Variants in SLC25A12 observed in about 807,000 individuals in gnomAD.
SLC25A12 encodes electrogenic aspartate/glutamate antiporter SLC25A12, mitochondrial.
In SLC25A12, 32 loss-of-function variants were observed where a neutral mutation model predicts 83.3. That is an observed-to-expected ratio of 0.38 (90% CI 0.29 to 0.52). SLC25A12 has a LOEUF of 0.52. Among genes scored for constraint, SLC25A12 ranks in the 20% least tolerant of loss-of-function variants. The pLI is 0.84. For missense variants in SLC25A12, 611 were observed against 835.6 expected (o/e 0.73, Z 3.31); for synonymous variants, 267 against 291.1 (o/e 0.92, Z 0.84).
chr2:171,833,387 G>GA (rs1033232688), intron 8 of SLC25A12, among the ~76,000 whole-genome samples: 2 of 151,948 alleles, frequency 1.3e-5, no homozygotes, highest in African/African-American at 4.8e-5. Flanking sequence ...AATTCCAAGA[G>GA]AAAAAGACAA....
intron 11 of SLC25A12, among the ~76,000 whole-genome samples, chr2:171,811,801 T>C (rs1683950540): frequency 6.6e-6 from 1 of 152,192 alleles, no homozygotes; most frequent in Admixed American, 6.5e-5. Context: ...CATCTATCCA[T>C]TGAGAAGGCT....
chr2:171,796,747 A>G (rs1683604988), intron 13 of SLC25A12, among the ~76,000 whole-genome samples: 1 of 152,210 alleles, frequency 6.6e-6, no homozygotes, highest in Non-Finnish European at 1.5e-5. Flanking sequence ...TTTAGCAAAG[A>G]TAAAGACTGC....
intron 14 of SLC25A12, 76 bp downstream of exon 14, chr2:171,793,551 C>T: frequency 2.7e-6 from 4 of 1,474,570 alleles, no homozygotes; most frequent in Non-Finnish European, 3.8e-6. Context: ...GATTGCTTTT[C>T]AACTTGGAGG....
chr2:171,785,568 A>G, intron 17 of SLC25A12, 93 bp from the exon 18 acceptor site: 1 of 1,111,024 alleles, frequency 9.0e-7, no homozygotes, highest in Non-Finnish European at 1.4e-6. Flanking sequence ...ATGTGCCACA[A>G]AGAAGAATGT....
At chr2:171,819,341 AT>A (rs1684127685) in intron 9 of SLC25A12, among the ~76,000 whole-genome samples, 1 of 102,470 alleles carries the variant, frequency 9.8e-6, no homozygotes, top group Non-Finnish European at 2.1e-5. Context: ...AATTATATAT[AT>A]TATTATATAT....
At chr2:171,888,086 CT>C (rs1362340162) in intron 2 of SLC25A12, among the ~76,000 whole-genome samples, 1 of 146,408 alleles carries the variant, frequency 6.8e-6, no homozygotes, top group Non-Finnish European at 1.5e-5. Context: ...ACTTTCTTTT[CT>C]TTTTTCCTTT....
intron 4 of SLC25A12, among the ~76,000 whole-genome samples, chr2:171,848,950 G>A (rs571917097): frequency 6.6e-6 from 1 of 151,976 alleles, no homozygotes; most frequent in Non-Finnish European, 1.5e-5. Flanking sequence ...AGCACTTTGG[G>A]AGGCCAAGGC....
chr2:171,874,610 C>T (rs767500220), intron 2 of SLC25A12, among the ~76,000 whole-genome samples: 2 of 152,082 alleles, frequency 1.3e-5, no homozygotes, highest in Non-Finnish European at 2.9e-5. Flanking sequence ...CTGAATTTGA[C>T]CTCCAGGACT....
At chr2:171,788,301 C>A (rs1690527759) in intron 15 of SLC25A12, 1 of 233,194 alleles carries the variant, frequency 4.3e-6, no homozygotes, top group Non-Finnish European at 8.5e-6. Flanking sequence ...AAATAAGATA[C>A]AAGTATTTTT....
intron 5 of SLC25A12, among the ~76,000 whole-genome samples, chr2:171,843,572 C>T (rs1684727027): frequency 2.6e-5 from 4 of 152,046 alleles, no homozygotes; most frequent in Admixed American, 2.6e-4. Context: ...GTGGAGGTTA[C>T]AGTGAGCCAG....
intron 14 of SLC25A12, among the ~76,000 whole-genome samples, chr2:171,792,947 C>T (rs1357954567): frequency 6.6e-6 from 1 of 152,168 alleles, no homozygotes; most frequent in African/African-American, 2.4e-5. Context: ...GCTAAATTTA[C>T]GTATTCCCCT....
chr2:171,790,784 C>T (rs1014625530), intron 15 of SLC25A12, among the ~76,000 whole-genome samples: 14 of 151,960 alleles, frequency 9.2e-5, no homozygotes, highest in African/African-American at 3.4e-4. Flanking sequence ...CTCGGCTCAC[C>T]GCAGCCTTGA....
At chr2:171,838,689 G>A (rs2105890345) in intron 5 of SLC25A12, among the ~76,000 whole-genome samples, 1 of 152,260 alleles carries the variant, frequency 6.6e-6, no homozygotes, top group African/African-American at 2.4e-5. Flanking sequence ...AGAATAGATT[G>A]TCTGTTTTCT....
At chr2:171,874,073 A>G (rs528656679) in intron 2 of SLC25A12, among the ~76,000 whole-genome samples, 2 of 152,262 alleles carry the variant, frequency 1.3e-5, no homozygotes, top group African/African-American at 2.4e-5. Context: ...CTAAAAATAC[A>G]AAATTAGACG....
intron 11 of SLC25A12, among the ~76,000 whole-genome samples, chr2:171,811,157 G>A (rs1470309012): frequency 6.6e-6 from 1 of 152,068 alleles, no homozygotes; most frequent in Non-Finnish European, 1.5e-5. Flanking sequence ...TCCAGCCAAA[G>A]GGGAGTTATA....
At position 171,791,484 on chromosome 2, in the gene SLC25A12, C is replaced by T. The variant is rs1574673741; in HGVS notation, c.1552G>A (p.Gly518Ser). Reference sequence around the variant, plus strand: ...GCTCCAGCTGCAAGAAGATTTAAACCTCCCACGTGTCCATTTTCATCAGCC... The same window carrying T: ...GCTCCAGCTGCAAGAAGATTTAAACTTCCCACGTGTCCATTTTCATCAGCC... Reference protein sequence around the residue: ...LLADENGHVGGLNLLAAGAMA... With the variant: ...LLADENGHVGSLNLLAAGAMA... The change falls in exon 15 of 18, where the codon GGT (glycine) becomes AGT (serine). Residue 518 changes from glycine to serine, a missense_variant. Physicochemically the swap from Gly to Ser is moderately conservative, Grantham distance 56 (BLOSUM62 0). Coordinates refer to ENST00000422440, the MANE Select transcript of SLC25A12 (RefSeq NM_003705.5). 6.2e-7 allele frequency: 1 copy of T among 1,614,040 alleles called. No homozygotes were observed. The highest frequency in any genetic ancestry group is 1.3e-5 in the African/African-American group (1 of 75,006).
At chr2:171,892,006 CAT>C (rs1685949653) in intron 2 of SLC25A12, among the ~76,000 whole-genome samples, 1 of 152,198 alleles carries the variant, frequency 6.6e-6, no homozygotes, top group Admixed American at 6.5e-5. Flanking sequence ...GGCTCATCAG[CAT>C]ATGTTAGAAT....
chr2:171,820,355 A>C (rs6760680), intron 9 of SLC25A12, among the ~76,000 whole-genome samples: 1 of 151,958 alleles, frequency 6.6e-6, no homozygotes, highest in African/African-American at 2.4e-5. Context: ...TTTTTTAAAG[A>C]AAGTACATAT....
rs1391757352 is a variant in SLC25A12, at chr2:171,809,653, T to C, written c.1258A>G (p.Arg420Gly). ...NDFVRDKFTRRDGSVPLPAEV... is the reference protein window; with the variant it reads ...NDFVRDKFTRGDGSVPLPAEV... ...GCTGGAAGTGGAACAGAGCCATCTC[T>C]TCTGGTAAATTTGTCCCGAACAAAA... Residue 420 changes from arginine to glycine, a missense_variant, in exon 13 of 18, where the codon AGA becomes GGA. Arg to Gly is a moderately radical substitution (Grantham distance 125, BLOSUM62 -2). Coordinates refer to ENST00000422440, the MANE Select transcript of SLC25A12 (RefSeq NM_003705.5). 6.2e-7 allele frequency: 1 copy of C among 1,614,092 alleles called. No homozygotes were observed. Among genetic ancestry groups the C allele is most frequent in the East Asian group, 2.2e-5 (1 of 44,872 alleles).
Sources: allele counts gnomAD v4.1 joint callset (sites outside exome capture counted in the v4.1 genomes callset), GRCh38; gene constraint gnomAD v4.1.1; transcripts MANE v1.5; gene names NCBI Gene and HGNC (gene_info 2026-07-23, HGNC 2026-07-21).